Variants in TRIO observed in about 807,000 individuals in gnomAD.
The protein encoded by TRIO is trio Rho guanine nucleotide exchange factor, also known as triple functional domain protein.
Under a neutral mutation model 351.9 loss-of-function variants are expected in TRIO, and 58 were observed. That is an observed-to-expected ratio of 0.16 (90% confidence interval 0.13 to 0.21). The LOEUF (loss-of-function observed/expected upper bound fraction) is 0.21. Among genes scored for constraint, TRIO ranks in the 10% least tolerant of loss-of-function variants. The pLI is 1.00. For missense variants in TRIO, 3,201 were observed against 4,027.8 expected, an observed-to-expected ratio of 0.79 and a Z score of 5.56; for synonymous variants, 1,758 against 1,595.7, an observed-to-expected ratio of 1.10 and a Z score of -2.42.
At chr5:14,278,900 G>A (rs543518386) in intron 2 of TRIO, among the ~76,000 whole-genome samples, 3 of 152,302 alleles carry the variant, frequency 2.0e-5, no homozygotes, top group Admixed American at 6.5e-5. Flanking sequence ...CCAGTAGTTC[G>A]AAAGATCATG....
At chr5:14,236,453 A>G (rs376374577) in intron 1 of TRIO, among the ~76,000 whole-genome samples, 2 of 152,336 alleles carry the variant, frequency 1.3e-5, no homozygotes, top group East Asian at 1.9e-4. Flanking sequence ...GAAATGATTT[A>G]CTTAGGATAT....
chr5:14,254,605 G>A (rs77957853), intron 1 of TRIO, among the ~76,000 whole-genome samples: 1 of 151,996 alleles, frequency 6.6e-6, no homozygotes, highest in South Asian at 2.1e-4. Flanking sequence ...TCTTGGCTCT[G>A]TTCTCCCGCG....
intron 1 of TRIO, among the ~76,000 whole-genome samples, chr5:14,263,533 T>C (rs914882989): frequency 6.6e-6 from 1 of 152,250 alleles, no homozygotes; most frequent in Non-Finnish European, 1.5e-5. Flanking sequence ...CGTGAGCAGA[T>C]TGATACAATG....
chr5:14,396,443 CTTTTTTTTTTTTTTTTTTTTTTT>C lies in TRIO; in HGVS notation c.4312-578_4312-556del, dbSNP rs1173121592. On this transcript the variant is annotated intron_variant, in intron 28 of 56. Transcript: ENST00000344204. Reference sequence around the variant, plus strand: ...ATAATAATTAAATATTTCTATTTATCTTTTTTTTTTTTTTTTTTTTTTTTTTTTTTTTTTTTTTTTTTTTGAGA... The same window carrying C: ...ATAATAATTAAATATTTCTATTTATCTTTTTTTTTTTTTTTTTTTTTGAGA... Among the ~76,000 whole-genome samples the C allele has an allele frequency of 1.8e-3, 76 of 41,552 alleles. 1 individual carries two copies. In the East Asian group the frequency reaches 0.028, roughly 15 times the overall value. The allele number at this position is 41,552 out of a possible 152,430, so 27.3% of individuals were successfully genotyped here. A position where few individuals can be genotyped will look rare whatever the true frequency, so the allele number is the denominator to read the frequency against.
Position 14,507,106 on chromosome 5 carries a change from G to A in TRIO, c.8613-16G>A, listed in dbSNP as rs780207628. Reference sequence around the variant, plus strand: ...GCAAATCGCATCATAACAGTCACCCGCTCCTGCCTCTTTAGGGCTGACCAG... The same window carrying A: ...GCAAATCGCATCATAACAGTCACCCACTCCTGCCTCTTTAGGGCTGACCAG... On this transcript the variant is annotated splice_polypyrimidine_tract_variant and intron_variant, in intron 55 of 56. Transcript: ENST00000344204. 33 of 1,565,388 alleles carry A rather than the reference G, an allele frequency of 2.1e-5. No individual in the cohort carries two copies. Among genetic ancestry groups the A allele is most frequent in the East Asian group, 9.2e-5 (4 of 43,612 alleles).
chr5:14,250,860 C>T (rs531138137), intron 1 of TRIO, among the ~76,000 whole-genome samples: 11 of 152,294 alleles, frequency 7.2e-5, no homozygotes, highest in Non-Finnish European at 8.8e-5. Flanking sequence ...ACACTTTACA[C>T]GCATTTTCTC....
At chr5:14,329,380 C>A (rs186928364) in intron 9 of TRIO, among the ~76,000 whole-genome samples, 71 of 152,370 alleles carry the variant, frequency 4.7e-4, no homozygotes, top group African/African-American at 1.6e-3. Context: ...GGGCTTCACC[C>A]TTGTGAATAG....
At chr5:14,258,756 C>A (rs1795169083) in intron 1 of TRIO, among the ~76,000 whole-genome samples, 1 of 152,230 alleles carries the variant, frequency 6.6e-6, no homozygotes, top group Non-Finnish European at 1.5e-5. Flanking sequence ...TTGCCTCTAG[C>A]CATCCCAGCC....
chr5:14,158,692 T>A (rs997934067), intron 1 of TRIO, among the ~76,000 whole-genome samples: 6 of 151,756 alleles, frequency 4.0e-5, no homozygotes, highest in Non-Finnish European at 8.8e-5. Context: ...TTCGCTGGGC[T>A]TGGTGGCGTG....
chr5:14,225,639 G>A (rs546554330), intron 1 of TRIO, among the ~76,000 whole-genome samples: 11 of 152,272 alleles, frequency 7.2e-5, no homozygotes, highest in South Asian at 6.2e-4. Context: ...CTCTTCTGAG[G>A]CCAGAAGGTC....
At chr5:14,275,221 T>C (rs1347596167) in intron 2 of TRIO, among the ~76,000 whole-genome samples, 2 of 152,256 alleles carry the variant, frequency 1.3e-5, no homozygotes, top group Non-Finnish European at 2.9e-5. Flanking sequence ...TACTTTGTAA[T>C]GCTAATGGTA....
At chr5:14,400,905 T>C (rs1748020860) in intron 30 of TRIO, 58 bp from the exon 31 acceptor site, 1 of 1,540,260 alleles carries the variant, frequency 6.5e-7, no homozygotes, top group Admixed American at 1.7e-5. Flanking sequence ...TTGGTCTCTG[T>C]TCTGCATCCT....
chr5:14,422,106 G>T (rs1275223500), intron 34 of TRIO, among the ~76,000 whole-genome samples: 1 of 152,196 alleles, frequency 6.6e-6, no homozygotes, highest in African/African-American at 2.4e-5. Flanking sequence ...AGCTGTTCAG[G>T]CTTGAAGGAT....
chr5:14,497,058 T>A lies in TRIO; in HGVS notation c.8019+41T>A. 1.2e-6 allele frequency: 2 copies of A among 1,608,560 alleles called. No individual in the cohort carries two copies. Among genetic ancestry groups the A allele is most frequent in the Non-Finnish European group, 1.7e-6 (2 of 1,176,934 alleles). On this transcript the variant is annotated intron_variant, in intron 50 of 56. Transcript: ENST00000344204. This position sits in a 1 kb window ranked among gnomAD's most constrained non-coding sequence, Gnocchi z 4.4. ...TTCAGGAGTCCGTGTCATCCCAGCATGAGAGAAAGGATCAGGGAGGGCAGA... is the reference window on the plus strand; with the variant it reads ...TTCAGGAGTCCGTGTCATCCCAGCAAGAGAGAAAGGATCAGGGAGGGCAGA...
Position 14,447,213 on chromosome 5 carries a change from C to G in TRIO, c.5204-13806C>G, listed in dbSNP as rs7716056. Among the ~76,000 whole-genome samples the G allele has an allele frequency of 1.6e-3, 237 of 152,280 alleles. 2 individuals are homozygous for G. Among genetic ancestry groups the G allele is most frequent in the African/African-American group, 5.2e-3 (215 of 41,556 alleles). On this transcript the variant is annotated intron_variant, in intron 34 of 56. Coordinates refer to ENST00000344204, the MANE Select transcript of TRIO (RefSeq NM_007118.4). The stretch of plus-strand genomic sequence containing the variant: ...AGCCACTGCACTCCAGCCTGGGTGA[C>G]ACAGCGAGACTGTCCCATAAATAAA...
intron 8 of TRIO, among the ~76,000 whole-genome samples, chr5:14,312,248 A>T (rs1216633474): frequency 6.6e-6 from 1 of 152,242 alleles, no homozygotes; most frequent in Non-Finnish European, 1.5e-5. Flanking sequence ...TGCAGTTCTG[A>T]TGAACAGTAA....
chr5:14,264,493 T>C (rs779756469), intron 1 of TRIO, among the ~76,000 whole-genome samples: 8 of 152,184 alleles, frequency 5.3e-5, no homozygotes, highest in Non-Finnish European at 1.2e-4. Context: ...TTTATATGCA[T>C]TTTATAAGTG....
At chr5:14,296,969 C>T in intron 6 of TRIO, 103 bp from the exon 7 acceptor site, 1 of 920,018 alleles carries the variant, frequency 1.1e-6, no homozygotes, top group South Asian at 1.7e-5. Context: ...GATGTGATCA[C>T]TGTTAGAAGC....
intron 18 of TRIO, among the ~76,000 whole-genome samples, chr5:14,372,284 G>A (rs1170425470): frequency 4.0e-5 from 6 of 151,684 alleles, no homozygotes; most frequent in South Asian, 2.1e-4. Context: ...GAGTGCAGGC[G>A]AGCTTGGAAA....
Sources: gnomAD v4.1 joint callset for allele counts (sites outside exome capture counted in the v4.1 genomes callset) on GRCh38, gnomAD v4.1.1 for gene constraint, Gnocchi (gnomAD v3.1) non-coding constraint, MANE v1.5 for transcripts, NCBI Gene and HGNC (gene_info 2026-07-23, HGNC 2026-07-21) for gene names.